GALNT2: variants seen among roughly 807,000 people sequenced by gnomAD.
The protein encoded by GALNT2 is polypeptide N-acetylgalactosaminyltransferase 2, also known as UDP-GalNAc:polypeptide N-acetylgalactosaminyltransferase 2.
Under a neutral mutation model 81.4 loss-of-function variants are expected in GALNT2, and 31 were observed. The observed-to-expected ratio is 0.38, with a 90% confidence interval of 0.29 to 0.51. The LOEUF is 0.51. GALNT2 is among the 20% of genes least tolerant of loss of function. The pLI is 0.87. For synonymous variants in GALNT2, 303 were observed against 287.4 expected, an observed-to-expected ratio of 1.05 and a Z score of -0.55; for missense variants, 629 against 765.7, an observed-to-expected ratio of 0.82 and a Z score of 2.11.
intron 2 of GALNT2, among the ~76,000 whole-genome samples, chr1:230,194,045 A>G (rs1035890042): frequency 6.6e-6 from 1 of 152,226 alleles, no homozygotes. Context: ...AAACTAAACC[A>G]GGAAAAAACA....
intron 3 of GALNT2, among the ~76,000 whole-genome samples, chr1:230,229,817 C>T (rs1484136785): frequency 1.3e-5 from 2 of 152,150 alleles, no homozygotes; most frequent in Admixed American, 6.5e-5. Context: ...CTGCAAACTT[C>T]GAATAGGTGC....
At chr1:230,223,869 T>C (rs564953040) in intron 3 of GALNT2, among the ~76,000 whole-genome samples, 1 of 152,294 alleles carries the variant, frequency 6.6e-6, no homozygotes, top group East Asian at 1.9e-4. Context: ...AACTTAAGCT[T>C]TTCTCCTGTC....
At chr1:230,071,343 T>C (rs1388630114) in intron 1 of GALNT2, among the ~76,000 whole-genome samples, 1 of 152,160 alleles carries the variant, frequency 6.6e-6, no homozygotes, top group Non-Finnish European at 1.5e-5. Flanking sequence ...TTGTACCCAA[T>C]TGTGGTGTCA....
intron 1 of GALNT2, among the ~76,000 whole-genome samples, chr1:230,108,090 G>A (rs910498): frequency 5.3e-5 from 8 of 151,996 alleles, no homozygotes; most frequent in African/African-American, 1.9e-4. Flanking sequence ...TGCTGGGCAC[G>A]GTAAACACAG....
At chr1:230,137,155 G>C (rs1312399875) in intron 1 of GALNT2, among the ~76,000 whole-genome samples, 1 of 152,214 alleles carries the variant, frequency 6.6e-6, no homozygotes, top group Non-Finnish European at 1.5e-5. Context: ...ATAAGCTTTG[G>C]GGGAGCCAAA....
At chr1:230,204,234 C>G (rs1431094217) in intron 3 of GALNT2, among the ~76,000 whole-genome samples, 1 of 151,364 alleles carries the variant, frequency 6.6e-6, no homozygotes, top group Admixed American at 6.6e-5. Context: ...GTGATCTTGG[C>G]TCACTGCAAC....
chr1:230,230,249 G>A (rs1336793883), intron 3 of GALNT2, among the ~76,000 whole-genome samples: 2 of 151,968 alleles, frequency 1.3e-5, no homozygotes, highest in African/African-American at 2.4e-5. Context: ...TTTGCCTGCA[G>A]ATGAAAACTA....
intron 3 of GALNT2, among the ~76,000 whole-genome samples, chr1:230,234,460 T>G (rs1289042926): frequency 6.6e-6 from 1 of 152,204 alleles, no homozygotes; most frequent in Non-Finnish European, 1.5e-5. Context: ...GTTTAACTGC[T>G]AGAGTTGCAG....
rs964268277 is a variant in GALNT2 at position 230,275,693 on chromosome 1, C to T, written c.1560+1129C>T. Among the ~76,000 whole-genome samples, 3 of 102,412 alleles carry T rather than the reference C, an allele frequency of 2.9e-5. No homozygotes were observed. The highest frequency in any genetic ancestry group is 5.6e-5 in the Non-Finnish European group (3 of 53,324). 67.2% of individuals were successfully genotyped at this position (102,412 alleles called of 152,430 possible). The stretch of plus-strand genomic sequence containing the variant: ...TGCCACATGTATACATATGTAAACA[C>T]CACATATATATACACACCACATATA... On this transcript the variant is annotated intron_variant, in intron 15 of 15. Transcript: ENST00000366672. The surrounding 1 kb of genome is among the most constrained non-coding windows in gnomAD (Gnocchi z 5.5).
At chr1:230,146,248 C>T (rs1470737413) in intron 1 of GALNT2, among the ~76,000 whole-genome samples, 1 of 152,122 alleles carries the variant, frequency 6.6e-6, no homozygotes, top group East Asian at 1.9e-4. Context: ...GTTAGGGAGC[C>T]CTGGAGGAGG....
chr1:230,159,995 A>G (rs986043559), intron 1 of GALNT2, among the ~76,000 whole-genome samples: 8 of 152,130 alleles, frequency 5.3e-5, no homozygotes, highest in Non-Finnish European at 7.4e-5. Context: ...GTCTGAATCC[A>G]GCAGCCGCAC....
At chr1:230,078,759 A>G (rs1395960395) in intron 1 of GALNT2, among the ~76,000 whole-genome samples, 1 of 152,180 alleles carries the variant, frequency 6.6e-6, no homozygotes, top group Admixed American at 6.5e-5. Context: ...GGTGGACCAA[A>G]GACCCTGTTA....
intron 2 of GALNT2, among the ~76,000 whole-genome samples, chr1:230,180,161 C>T (rs544810753): frequency 1.2e-4 from 19 of 152,232 alleles, no homozygotes; most frequent in East Asian, 3.9e-4. Flanking sequence ...TCAGGTGATC[C>T]GCCCGCCTCG....
At chr1:230,081,951 C>T (rs545075811) in intron 1 of GALNT2, among the ~76,000 whole-genome samples, 56 of 152,308 alleles carry the variant, frequency 3.7e-4, no homozygotes, top group African/African-American at 8.9e-4. Flanking sequence ...ATGATGCTGA[C>T]GAGCTTAGTG....
At chr1:230,174,098 C>G (rs1444406561) in intron 1 of GALNT2, among the ~76,000 whole-genome samples, 2 of 152,196 alleles carry the variant, frequency 1.3e-5, no homozygotes, top group East Asian at 3.9e-4. Flanking sequence ...AATGTATCAC[C>G]TACACAAGAA....
intron 10 of GALNT2, among the ~76,000 whole-genome samples, chr1:230,253,665 T>C (rs1015363657): frequency 6.6e-6 from 1 of 152,198 alleles, no homozygotes; most frequent in Non-Finnish European, 1.5e-5. Context: ...ATCTCAAACA[T>C]GTAGCATGTT....
intron 3 of GALNT2, among the ~76,000 whole-genome samples, chr1:230,235,415 A>G (rs140827552): frequency 6.6e-6 from 1 of 152,114 alleles, no homozygotes; most frequent in African/African-American, 2.4e-5. Flanking sequence ...TCAGGGTCCC[A>G]TTGACTGTAC....
chr1:230,210,972 G>C (rs1664214798), intron 3 of GALNT2, among the ~76,000 whole-genome samples: 1 of 152,220 alleles, frequency 6.6e-6, no homozygotes, highest in South Asian at 2.1e-4. Context: ...CAGCCAGCTT[G>C]GAGGGAGGCT....
Position 230,262,964 on chromosome 1 carries a change from G to T in GALNT2, c.1272G>T (p.Lys424Asn), listed in dbSNP as rs753962261. The T allele has an allele frequency of 6.2e-7, 1 of 1,614,208 alleles. No individual in the cohort carries two copies. Among genetic ancestry groups the T allele is most frequent in the South Asian group, 1.1e-5 (1 of 91,088 alleles). The change falls in exon 13 of 16, where the codon AAG becomes AAT. Residue 424 changes from lysine (K) to asparagine (N), a missense_variant. Around this residue, in one of 3 missense-constraint regions of GALNT2, gnomAD observed 207 missense variants for 225.5 expected, o/e 0.92. Transcript: ENST00000366672. ...AGCTTAGGAAGAAACTCAGCTGCAA[G>T]CCTTTCAAATGGTACCTTGAAAATG... ...RLELRKKLSC[K>N]PFKWYLENVY...
Sources: allele counts gnomAD v4.1 joint callset (sites outside exome capture counted in the v4.1 genomes callset), GRCh38; gene constraint gnomAD v4.1.1; regional missense constraint gnomAD v4.1.1; non-coding constraint Gnocchi (gnomAD v3.1); transcripts MANE v1.5; gene names NCBI Gene and HGNC (gene_info 2026-07-23, HGNC 2026-07-21).